The following TARS2 variants were observed in gnomAD, a reference collection of about 807,000 sequenced individuals.
The protein encoded by TARS2 is threonyl-tRNA synthetase 2, mitochondrial.
TARS2 carries 61 observed loss-of-function variants against 94.4 expected under a neutral mutation model. That is an observed-to-expected ratio of 0.65 (90% CI 0.53 to 0.80). The LOEUF (loss-of-function observed/expected upper bound fraction) is 0.80, where lower values mean the gene tolerates loss of function less well. Among genes scored for constraint, TARS2 ranks in the 30% least tolerant of loss-of-function variants. The pLI is 0.00. For missense variants in TARS2, 704 were observed against 902.5 expected, an observed-to-expected ratio of 0.78 and a Z score of 2.82; for synonymous variants, 359 against 353.4, an observed-to-expected ratio of 1.02 and a Z score of -0.18.
At position 150,506,924 on chromosome 1, in the gene TARS2, C is replaced by T; in HGVS notation, c.2017C>T (p.Gln673Ter). The T allele has an allele frequency of 6.2e-7, 1 of 1,613,984 alleles. No homozygotes were observed. Among genetic ancestry groups the T allele is most frequent in the Non-Finnish European group, 8.5e-7 (1 of 1,179,996 alleles). Residue 673 changes from glutamine (Q) to a stop codon, truncating the protein, a stop_gained, in exon 18 of 18, where the codon CAG becomes TAG. Coordinates refer to ENST00000369064, the MANE Select transcript of TARS2 (RefSeq NM_025150.5). LOFTEE classifies it high-confidence loss of function. ...ACTTCCTCTACCTGCAGTGGTTGGC[C>T]AGAAAGAGCAAAGTAAGAGAACAGT... ...AHYNFQFVVG[Q>*]KEQSKRTVNI... is the part of the protein sequence containing the mutation.
In TARS2 at chr1:150,507,341, G is replaced by A. The variant is rs967069180; in HGVS notation, c.*277G>A. On this transcript the variant is annotated 3_prime_UTR_variant, in exon 18 of 18. Transcript: ENST00000369064. ...TCCCAGCACTCTGGGAGGCTGAGGC[G>A]GACGGATCATGAGGTCAGGAGATCA... 3.4e-5 allele frequency: 11 copies of A among 320,730 alleles called. No individual in the cohort carries two copies. The highest frequency in any genetic ancestry group is 8.4e-5 in the South Asian group (2 of 23,934). 19.9% of individuals were successfully genotyped at this position (320,730 alleles called of 1,614,324 possible).
intron 2 of TARS2, 80 bp from the exon 3 acceptor site, chr1:150,488,884 G>A: frequency 3.9e-6 from 6 of 1,542,512 alleles, no homozygotes; most frequent in Non-Finnish European, 5.2e-6. Flanking sequence ...CTCTCATATA[G>A]GAATCAGAAC....
At position 150,504,359 on chromosome 1, in the gene TARS2, C is replaced by T. The variant is rs1216138735; in HGVS notation, c.1642C>T (p.Leu548=). The change falls in exon 14 of 18, where the codon CTG becomes TTG. Residue 548 remains leucine (L), a synonymous_variant. Coordinates refer to ENST00000369064, the MANE Select transcript of TARS2 (RefSeq NM_025150.5). ...PKIDVHLHDA[L]GRPHQCGTIQ... is the part of the protein sequence containing the mutation. ...GATTGACGTGCACCTCCACGATGCC[C>T]TGGGCCGGCCACATCAGTGTGGGAC... 1.9e-5 allele frequency: 31 copies of T among 1,614,136 alleles called. No homozygotes were observed. Among genetic ancestry groups the T allele is most frequent in the Non-Finnish European group, 2.6e-5 (31 of 1,180,020 alleles).
chr1:150,490,114 CTTTTTTTTTTT>C (rs772454527), intron 3 of TARS2, among the ~76,000 whole-genome samples: 3 of 80,178 alleles, frequency 3.7e-5, no homozygotes, highest in African/African-American at 1.0e-4. Context: ...TCTATTCAGT[CTTTTTTTTTTT>C]TTTTTTTTTT....
At chr1:150,495,897 T>C (rs1392220208) in intron 7 of TARS2, among the ~76,000 whole-genome samples, 1 of 151,898 alleles carries the variant, frequency 6.6e-6, no homozygotes, top group Non-Finnish European at 1.5e-5. Flanking sequence ...TTTTTTTGTA[T>C]TTTTAGTAGA....
chr1:150,491,289 G>A, intron 4 of TARS2, 105 bp from the exon 5 acceptor site: 1 of 1,073,282 alleles, frequency 9.3e-7, no homozygotes, highest in Non-Finnish European at 1.4e-6. Context: ...TATAACTCTA[G>A]ATTTCTCTTG....
In TARS2 at chr1:150,496,646, AT is replaced by A; in HGVS notation, c.921+19del. On this transcript the variant is annotated intron_variant, in intron 8 of 17. Transcript: ENST00000369064. ...TTGGGAAGGTACAGGAATTGGGAAG[AT>A]AGGGAGGGATGGTGATAAGGGTTGG... 1.2e-6 allele frequency: 2 copies of A among 1,609,424 alleles called. No individual in the cohort carries two copies. Among genetic ancestry groups the A allele is most frequent in the Non-Finnish European group, 1.7e-6 (2 of 1,177,336 alleles).
At position 150,491,398 on chromosome 1, in the gene TARS2, A is replaced by G. The variant is rs919146664; in HGVS notation, c.517A>G (p.Ile173Val). Residue 173 changes from isoleucine (I) to valine (V), a missense_variant, in exon 5 of 18, where the codon ATC becomes GTC. Physicochemically the swap from Ile to Val is conservative, Grantham distance 29 (BLOSUM62 3). Around this residue, in one of 3 missense-constraint regions of TARS2, gnomAD observed 208 missense variants for 228.5 expected, o/e 0.91. Coordinates refer to ENST00000369064, the MANE Select transcript of TARS2 (RefSeq NM_025150.5). Reference sequence around the variant, plus strand: ...AACCAATTCTCCTCTTTCCAGGACAATCCGGGGCTCAGAGCTGCCTGTTTT... The same window carrying G: ...AACCAATTCTCCTCTTTCCAGGACAGTCCGGGGCTCAGAGCTGCCTGTTTT... The part of the protein sequence containing the change: ...HDFFLGKERT[I>V]RGSELPVLER... The G allele has an allele frequency of 4.3e-6, 7 of 1,612,700 alleles. No homozygotes were observed. Among genetic ancestry groups the G allele is most frequent in the Non-Finnish European group, 5.9e-6 (7 of 1,180,016 alleles).
At chr1:150,506,471 T>C (rs1670209828) in intron 17 of TARS2, among the ~76,000 whole-genome samples, 1 of 119,278 alleles carries the variant, frequency 8.4e-6, no homozygotes, top group African/African-American at 3.5e-5. Context: ...TAATACCCCC[T>C]TCAGACACGC....
At position 150,492,443 on chromosome 1, in the gene TARS2, C is replaced by T; in HGVS notation, c.728C>T (p.Pro243Leu). ...CGTLVDLCQG[P>L]HLRHTGQIGG... ...ACATTGGTTGACCTTTGCCAGGGCC[C>T]CCACCTTCGGCATACTGGACAGATT... Residue 243 changes from proline (P) to leucine (L), a missense_variant, in exon 7 of 18, where the codon CCC (proline) becomes CTC (leucine). Pro to Leu is a moderately conservative substitution (Grantham distance 98). This residue lies in a region of TARS2 where 466 missense variants were observed against 609.5 expected (regional missense o/e 0.76). Transcript: ENST00000369064. The T allele has an allele frequency of 6.2e-7, 1 of 1,613,936 alleles. No individual in the cohort carries two copies. The highest frequency in any genetic ancestry group is 8.5e-7 in the Non-Finnish European group (1 of 1,179,936).
chr1:150,504,797 TC>T, intron 15 of TARS2, 64 bp downstream of exon 15: 2 of 1,606,660 alleles, frequency 1.2e-6, no homozygotes, highest in South Asian at 1.1e-5. Flanking sequence ...CCAGATCCTG[TC>T]CCCCTTCATA....
intron 4 of TARS2, 57 bp downstream of exon 4, chr1:150,490,782 CA>C: frequency 1.2e-6 from 2 of 1,609,510 alleles, no homozygotes; most frequent in South Asian, 2.2e-5. Flanking sequence ...AGGCTCTTTT[CA>C]GGGGCCTTGG....
chr1:150,488,199 TTTG>T lies in TARS2; in HGVS notation c.263+154_263+156del, dbSNP rs1669234167. 7.0e-6 allele frequency: 7 copies of T among 998,088 alleles called. No homozygotes were observed. In the Admixed American group the frequency reaches 8.6e-5, roughly 12 times the overall value. The allele number at this position is 998,088 out of a possible 1,614,324, so 61.8% of individuals were successfully genotyped here. A position where few individuals can be genotyped will look rare whatever the true frequency, so the allele number is the denominator to read the frequency against. Reference sequence around the variant, plus strand: ...TTTCCTGAAGATTTTGTTTTTGTTTTTTGTTGTTGTTCTTTTATACAGACGGGG... The same window carrying T: ...TTTCCTGAAGATTTTGTTTTTGTTTTTTGTTGTTCTTTTATACAGACGGGG... On this transcript the variant is annotated intron_variant, in intron 2 of 17. Transcript: ENST00000369064.
chr1:150,497,705 C>T lies in TARS2; in HGVS notation c.1196C>T (p.Thr399Ile), dbSNP rs1669728630. The change falls in exon 10 of 18, where the codon ACA (threonine) becomes ATA (isoleucine). Residue 399 changes from threonine to isoleucine, a missense_variant. Physicochemically the swap from Thr to Ile is moderately conservative, Grantham distance 89. Transcript: ENST00000369064. ...AGTGACGATTCTACCAGGCATATCA[C>T]AGATACACTCGCCCTCAAGCCTATG... is the stretch of plus-strand genomic sequence containing the variant. ...SQSDDSTRHI[T>I]DTLALKPMNC... 1 of 1,614,028 alleles carries T rather than the reference C, an allele frequency of 6.2e-7. No individual in the cohort carries two copies. The highest frequency in any genetic ancestry group is 1.7e-5 in the Admixed American group (1 of 60,004).
intron 3 of TARS2, among the ~76,000 whole-genome samples, chr1:150,489,549 C>T (rs1560243584): frequency 6.6e-6 from 1 of 151,970 alleles, no homozygotes; most frequent in Admixed American, 6.6e-5. Flanking sequence ...TAAATAGTGA[C>T]CAAATCCAAG....
chr1:150,499,148 G>A (rs1259994670), intron 12 of TARS2, 68 bp from the exon 13 acceptor site: 5 of 1,608,426 alleles, frequency 3.1e-6, no homozygotes, highest in Admixed American at 1.7e-5. Flanking sequence ...ATTTGTTGGG[G>A]ACTGACCGGA....
chr1:150,493,617 G>T (rs925849454), intron 7 of TARS2, among the ~76,000 whole-genome samples: 3 of 152,058 alleles, frequency 2.0e-5, no homozygotes, highest in African/African-American at 4.8e-5. Flanking sequence ...ACTGGGCGTG[G>T]TGGCACATGC....
chr1:150,500,036 G>A (rs1005470922), intron 13 of TARS2, among the ~76,000 whole-genome samples: 1 of 151,812 alleles, frequency 6.6e-6, no homozygotes, highest in Non-Finnish European at 1.5e-5. Flanking sequence ...TTAGCCGGGT[G>A]CAGTAGCTTG....
chr1:150,490,993 T>C (rs1028206671), intron 4 of TARS2, among the ~76,000 whole-genome samples: 7 of 151,720 alleles, frequency 4.6e-5, no homozygotes, highest in African/African-American at 1.7e-4. Context: ...AGGTTGAGGC[T>C]GTGGTGAGCC....
Sources: gnomAD v4.1 joint callset for allele counts (sites outside exome capture counted in the v4.1 genomes callset) on GRCh38, gnomAD v4.1.1 for gene constraint, gnomAD v4.1.1 regional missense constraint, MANE v1.5 for transcripts, NCBI Gene and HGNC (gene_info 2026-07-23, HGNC 2026-07-21) for gene names.